MAP3K7CL: variants seen among roughly 807,000 people sequenced by gnomAD.
MAP3K7CL encodes the protein MAP3K7 C-terminal like, also known as MAP3K7 C-terminal-like protein.
MAP3K7CL carries 16 observed loss-of-function variants against 18.6 expected under a neutral mutation model. The ratio of observed to expected loss-of-function variants is 0.86; its 90% CI spans 0.58 to 1.31. The LOEUF (loss-of-function observed/expected upper bound fraction) is 1.31. Ranked by LOEUF, MAP3K7CL falls within the 50% of genes most tolerant of loss-of-function variation. MAP3K7CL has a pLI of 0.00. For synonymous variants in MAP3K7CL, 65 were observed against 66.8 expected (o/e 0.97, Z 0.13); for missense variants, 163 against 174.4 (o/e 0.93, Z 0.37).
chr21:29,159,056 G>T (rs2087477545), intron 3 of MAP3K7CL, among the ~76,000 whole-genome samples: 1 of 151,902 alleles, frequency 6.6e-6, no homozygotes, highest in Non-Finnish European at 1.5e-5. Context: ...AAGTAGCTGG[G>T]ACTACAGGTG....
In MAP3K7CL at chr21:29,159,834, AAAAG is replaced by A. The variant is rs1342423406; in HGVS notation, c.133-104_133-101del. 5.4e-5 allele frequency: 43 copies of A among 792,056 alleles called. No homozygotes were observed. In the East Asian group the frequency reaches 5.5e-4, roughly 10 times the overall value. The allele number at this position is 792,056 out of a possible 1,614,324, so 49.1% of individuals were successfully genotyped here. A position where few individuals can be genotyped will look rare whatever the true frequency, so the allele number is the denominator to read the frequency against. On this transcript the variant is annotated intron_variant, in intron 3 of 4. Coordinates refer to ENST00000399928, the MANE Select transcript of MAP3K7CL (RefSeq NM_001286620.2). The stretch of plus-strand genomic sequence containing the variant: ...AATGCTGTTCTCACGTTAAAAAAAA[AAAAG>A]AAGAAGAAAAAACCTTCGTTTAAAG...
upstream of MAP3K7CL, among the ~76,000 whole-genome samples, chr21:29,129,012 A>G (rs2086730470): frequency 6.6e-6 from 1 of 152,210 alleles, no homozygotes; most frequent in African/African-American, 2.4e-5. Flanking sequence ...CATTCATTAG[A>G]TTAAGAAAGC....
intron 4 of MAP3K7CL, among the ~76,000 whole-genome samples, chr21:29,101,911 A>G (rs948655811): frequency 1.3e-5 from 2 of 152,234 alleles, no homozygotes; most frequent in East Asian, 3.8e-4. Flanking sequence ...AGTTACAAAT[A>G]GAAGTTCCAT....
At chr21:29,092,872 C>G (rs573878221) in intron 4 of MAP3K7CL, among the ~76,000 whole-genome samples, 13 of 152,304 alleles carry the variant, frequency 8.5e-5, no homozygotes, top group African/African-American at 2.9e-4. Flanking sequence ...TTACAAATCT[C>G]TCCAACGTCT....
chr21:29,118,746 G>C (rs576062247), intron 4 of MAP3K7CL, among the ~76,000 whole-genome samples: 1 of 152,228 alleles, frequency 6.6e-6, no homozygotes, highest in African/African-American at 2.4e-5. Flanking sequence ...TGGAGGAAAG[G>C]AGGACAAATT....
At chr21:29,159,894 A>T in intron 3 of MAP3K7CL, 47 bp from the exon 4 acceptor site, 1 of 1,485,490 alleles carries the variant, frequency 6.7e-7, no homozygotes, top group Non-Finnish European at 9.3e-7. Flanking sequence ...TTGGTAATTT[A>T]TCCTGATGCA....
chr21:29,154,858 C>T (rs1870844280), intron 3 of MAP3K7CL, among the ~76,000 whole-genome samples: 1 of 152,168 alleles, frequency 6.6e-6, no homozygotes, highest in African/African-American at 2.4e-5. Flanking sequence ...TATATAGATA[C>T]TTTGGAGCTT....
intron 4 of MAP3K7CL, among the ~76,000 whole-genome samples, chr21:29,125,351 C>T (rs1366113712): frequency 1.3e-5 from 2 of 152,174 alleles, no homozygotes; most frequent in African/African-American, 4.8e-5. Flanking sequence ...AAATGTTGCA[C>T]ATTGCTCTGT....
chr21:29,095,483 C>G (rs147798473), intron 4 of MAP3K7CL, among the ~76,000 whole-genome samples: 1 of 152,146 alleles, frequency 6.6e-6, no homozygotes, highest in African/African-American at 2.4e-5. Context: ...GCCTCTTGCC[C>G]GCACTGTTGT....
chr21:29,079,822 A>G (rs796572847), intron 1 of MAP3K7CL, among the ~76,000 whole-genome samples: 30 of 152,330 alleles, frequency 2.0e-4, no homozygotes, highest in African/African-American at 7.2e-4. Context: ...TCTCCAGGTT[A>G]GGGCAAAGTC....
intron 1 of MAP3K7CL, among the ~76,000 whole-genome samples, chr21:29,080,033 A>G (rs1290585866): frequency 4.6e-5 from 7 of 152,212 alleles, no homozygotes; most frequent in Non-Finnish European, 1.0e-4. Flanking sequence ...ATGCATTTAA[A>G]TCCTATTGGT....
intron 1 of MAP3K7CL, among the ~76,000 whole-genome samples, chr21:29,090,798 G>A (rs191674652): frequency 8.3e-4 from 123 of 148,978 alleles, no homozygotes; most frequent in Non-Finnish European, 1.8e-4. Context: ...CCGGGACTTC[G>A]TTTTTTTTCT....
intron 2 of MAP3K7CL, among the ~76,000 whole-genome samples, chr21:29,136,576 G>C (rs8127294): frequency 6.6e-6 from 1 of 151,312 alleles, no homozygotes; most frequent in African/African-American, 2.4e-5. Flanking sequence ...CCAGGCTGGC[G>C]TGCAGTGGTG....
At chr21:29,085,664 G>T, upstream of MAP3K7CL, 7 of 346,236 alleles carry the variant, frequency 2.0e-5, no homozygotes, top group Admixed American at 4.4e-5. Context: ...ATTCATTTAT[G>T]TAGAAAACCT....
At chr21:29,144,283 G>C (rs190226234) in intron 2 of MAP3K7CL, among the ~76,000 whole-genome samples, 1 of 152,002 alleles carries the variant, frequency 6.6e-6, no homozygotes, top group African/African-American at 2.4e-5. Context: ...TTCTGTCTCA[G>C]CCTCCCGAGT....
At chr21:29,160,755 A>G (rs2832227) in intron 4 of MAP3K7CL, among the ~76,000 whole-genome samples, 33,486 of 152,090 alleles carry the variant, frequency 0.22, 4,526 homozygotes, top group African/African-American at 0.37. Context: ...GATTACTAGG[A>G]TCTTTTGATT....
intron 2 of MAP3K7CL, among the ~76,000 whole-genome samples, chr21:29,136,601 C>T (rs1428862006): frequency 2.6e-5 from 4 of 151,764 alleles, no homozygotes; most frequent in Non-Finnish European, 5.9e-5. Flanking sequence ...ATTGGCTCAC[C>T]GCGACCTCCG....
intron 2 of MAP3K7CL, among the ~76,000 whole-genome samples, chr21:29,144,517 T>C (rs1048917298): frequency 1.3e-5 from 2 of 152,212 alleles, no homozygotes; most frequent in African/African-American, 4.8e-5. Context: ...TCTGAGAACC[T>C]ATGGACTAGT....
At chr21:29,152,367 A>C (rs1234453785) in intron 3 of MAP3K7CL, among the ~76,000 whole-genome samples, 1 of 152,238 alleles carries the variant, frequency 6.6e-6, no homozygotes, top group Non-Finnish European at 1.5e-5. Flanking sequence ...TGCTTTATGT[A>C]CAAAAGGAAC....
Sources: gnomAD v4.1 joint callset for allele counts (sites outside exome capture counted in the v4.1 genomes callset) on GRCh38, gnomAD v4.1.1 for gene constraint, MANE v1.5 for transcripts, NCBI Gene and HGNC (gene_info 2026-07-23, HGNC 2026-07-21) for gene names.